Variants in PTGDR observed in about 807,000 individuals in gnomAD.
The protein encoded by PTGDR is prostaglandin D2 receptor, also known as PGD2 receptor.
In PTGDR, 19 loss-of-function variants were observed where a neutral mutation model predicts 17.4. The observed-to-expected ratio is 1.09, with a 90% CI of 0.76 to 1.60. The LOEUF (loss-of-function observed/expected upper bound fraction) is 1.60. PTGDR is among the 40% of genes most tolerant of loss of function. The pLI, the probability that PTGDR is intolerant of heterozygous loss-of-function variation, is 0.00. For missense variants in PTGDR, 526 were observed against 481.9 expected, an observed-to-expected ratio of 1.09 and a Z score of -0.86; for synonymous variants, 267 against 224.2, an observed-to-expected ratio of 1.19 and a Z score of -1.71.
chr14:52,275,274 A>ATTT lies in PTGDR; in HGVS notation c.*320_*322dup. 1.5e-5 allele frequency: 3 copies of ATTT among 195,788 alleles called. No individual in the cohort carries two copies. The highest frequency in any genetic ancestry group is 1.0e-4 in the South Asian group (1 of 9,696). The allele number at this position is 195,788 out of a possible 1,614,324, so 12.1% of individuals were successfully genotyped here. ...CCCTACATTTGTGCTTGGTGGCCCTATTTTTTTTTTTTAGAGAGGCCTTGA... is the reference window on the plus strand; with the variant it reads ...CCCTACATTTGTGCTTGGTGGCCCTATTTTTTTTTTTTTTTAGAGAGGCCTTGA... On this transcript the variant is annotated 3_prime_UTR_variant, in exon 2 of 2. Transcript: ENST00000306051.
In PTGDR at chr14:52,268,608, T is replaced by C; in HGVS notation, c.794T>C (p.Leu265Pro). ...PQPLEELDHL[L>P]LLALMTVLFT... ...CCCCTGGAGGAGCTGGATCACCTCCTGCTGCTGGCGCTGATGACCGTGCTC... is the reference window on the plus strand; with the variant it reads ...CCCCTGGAGGAGCTGGATCACCTCCCGCTGCTGGCGCTGATGACCGTGCTC... Residue 265 changes from leucine to proline, a missense_variant, in exon 1 of 2, where the codon CTG becomes CCG. Leu to Pro is a moderately conservative substitution (Grantham distance 98). Coordinates refer to ENST00000306051, the MANE Select transcript of PTGDR (RefSeq NM_000953.3). The C allele has an allele frequency of 6.2e-7, 1 of 1,607,800 alleles. No homozygotes were observed. Among genetic ancestry groups the C allele is most frequent in the South Asian group, 1.1e-5 (1 of 90,232 alleles).
Position 52,268,116 on chromosome 14 carries a change from A to T in PTGDR, c.302A>T (p.Asp101Val). The T allele has an allele frequency of 6.2e-7, 1 of 1,614,006 alleles. No homozygotes were observed. The highest frequency in any genetic ancestry group is 8.5e-7 in the Non-Finnish European group (1 of 1,180,012). The stretch of plus-strand genomic sequence containing the variant: ...CTGCGGGTGCTTGCGCCCGCATTGG[A>T]CAACTCGTTGTGCCAAGCCTTCGCC... ...RSLRVLAPAL[D>V]NSLCQAFAFF... The change falls in exon 1 of 2, where the codon GAC becomes GTC. Residue 101 changes from aspartate (D) to valine (V), a missense_variant. Physicochemically the swap from Asp to Val is radical, Grantham distance 152 (BLOSUM62 -3). Coordinates refer to ENST00000306051, the MANE Select transcript of PTGDR (RefSeq NM_000953.3).
In PTGDR at chr14:52,275,178, A is replaced by G; in HGVS notation, c.*214A>G. The G allele has an allele frequency of 2.1e-6, 1 of 482,506 alleles. No individual in the cohort carries two copies. The highest frequency in any genetic ancestry group is 3.0e-5 in the South Asian group (1 of 32,962). 29.9% of individuals were successfully genotyped at this position (482,506 alleles called of 1,614,324 possible). ...CCCTTCAGTGCATTTTCATTTTTTTATTAACAGCAACTAAAATTTTATATA... is the reference window on the plus strand; with the variant it reads ...CCCTTCAGTGCATTTTCATTTTTTTGTTAACAGCAACTAAAATTTTATATA... On this transcript the variant is annotated 3_prime_UTR_variant, in exon 2 of 2. Transcript: ENST00000306051.
rs201939042 is a variant in PTGDR at position 52,276,197 on chromosome 14, T to C, written c.*1233T>C. 1 of 152,134 alleles carries C rather than the reference T, an allele frequency of 6.6e-6. No homozygotes were observed. The highest frequency in any genetic ancestry group is 2.1e-4 in the South Asian group (1 of 4,824). 9.4% of individuals were successfully genotyped at this position (152,134 alleles called of 1,614,324 possible). On this transcript the variant is annotated 3_prime_UTR_variant, in exon 2 of 2. Transcript: ENST00000306051. ...GGAGACTCTAAACCCAGCTTGCAGGTAAGAGCTTTCACCTTTGGTAAAAGA... is the reference window on the plus strand; with the variant it reads ...GGAGACTCTAAACCCAGCTTGCAGGCAAGAGCTTTCACCTTTGGTAAAAGA...
chr14:52,267,700 G>T lies in PTGDR; in HGVS notation c.-115G>T. 1 of 1,423,022 alleles carries T rather than the reference G, an allele frequency of 7.0e-7. No homozygotes were observed. Among genetic ancestry groups the T allele is most frequent in the Non-Finnish European group, 9.1e-7 (1 of 1,095,592 alleles). The allele number at this position is 1,423,022 out of a possible 1,614,324, so 88.1% of individuals were successfully genotyped here. On this transcript the variant is annotated 5_prime_UTR_variant, in exon 1 of 2. Transcript: ENST00000306051. Reference sequence around the variant, plus strand: ...CCGCCGCCCTCGGAGCTTTTTCTGTGGCGCAGCTTCTCCGCCCGAGCCGCG... The same window carrying T: ...CCGCCGCCCTCGGAGCTTTTTCTGTTGCGCAGCTTCTCCGCCCGAGCCGCG...
chr14:52,272,304 CA>C (rs978343195), intron 1 of PTGDR, among the ~76,000 whole-genome samples: 2 of 151,162 alleles, frequency 1.3e-5, no homozygotes, highest in African/African-American at 2.4e-5. Flanking sequence ...CCTGCCTCTA[CA>C]AAAAAAATAA....
downstream of PTGDR, among the ~76,000 whole-genome samples, chr14:52,280,282 TC>T (rs55793514): frequency 5.8e-3 from 880 of 151,978 alleles, 4 homozygotes; most frequent in Middle Eastern, 0.034. Context: ...TACTTTTTAT[TC>T]CCCCCAAATT....
At chr14:52,278,065 C>A (rs138301015), downstream of PTGDR, among the ~76,000 whole-genome samples, 103 of 152,282 alleles carry the variant, frequency 6.8e-4, no homozygotes, top group Non-Finnish European at 1.2e-3. Flanking sequence ...GTGGCAATTC[C>A]TCAGGGATCT....
rs1210877590 is a variant in PTGDR at position 52,268,138 on chromosome 14, C to T, written c.324C>T (p.Phe108=). The T allele has an allele frequency of 1.2e-6, 2 of 1,614,156 alleles. No homozygotes were observed. Among genetic ancestry groups the T allele is most frequent in the Middle Eastern group, 1.6e-4 (1 of 6,062 alleles). The stretch of plus-strand genomic sequence containing the variant: ...TGGACAACTCGTTGTGCCAAGCCTT[C>T]GCCTTCTTCATGTCCTTCTTTGGGC... ...PALDNSLCQA[F]AFFMSFFGLS... Residue 108 remains phenylalanine, a synonymous_variant, in exon 1 of 2, where the codon TTC becomes TTT. Transcript: ENST00000306051.
At chr14:52,269,623 G>A in intron 1 of PTGDR, 5 of 1,134,394 alleles carry the variant, frequency 4.4e-6, no homozygotes, top group Non-Finnish European at 6.1e-6. Flanking sequence ...TCTGTGAATA[G>A]GAAAGTTGTT....
intron 1 of PTGDR, among the ~76,000 whole-genome samples, chr14:52,272,281 A>C (rs1407439698): frequency 6.6e-6 from 1 of 152,066 alleles, no homozygotes; most frequent in Middle Eastern, 3.2e-3. Flanking sequence ...CAGCCTGGGC[A>C]ACACAGTGAG....
rs143094066 is a variant in PTGDR, at chr14:52,274,846, G to C, written c.962G>C (p.Trp321Ser). The change falls in exon 2 of 2, where the codon TGG (tryptophan) becomes TCG (serine). Residue 321 changes from tryptophan (W) to serine (S), a missense_variant. Trp to Ser is a radical substitution (Grantham distance 177). Transcript: ENST00000306051. ...FLSVISIVDP[W>S]IFIIFRSPVF... Reference sequence around the variant, plus strand: ...TCTGTGATTTCAATTGTGGACCCTTGGATTTTTATCATTTTCAGATCTCCA... The same window carrying C: ...TCTGTGATTTCAATTGTGGACCCTTCGATTTTTATCATTTTCAGATCTCCA... The C allele has an allele frequency of 3.1e-6, 5 of 1,610,410 alleles. No homozygotes were observed. Among genetic ancestry groups the C allele is most frequent in the Non-Finnish European group, 3.4e-6 (4 of 1,176,734 alleles).
intron 1 of PTGDR, among the ~76,000 whole-genome samples, chr14:52,273,108 G>T (rs965584169): frequency 2.0e-5 from 3 of 152,166 alleles, no homozygotes; most frequent in Admixed American, 6.5e-5. Context: ...GGCCTCCCAG[G>T]TTCAAGCAAT....
At chr14:52,280,460 CTAAA>C (rs2033474701), downstream of PTGDR, among the ~76,000 whole-genome samples, 1 of 152,176 alleles carries the variant, frequency 6.6e-6, no homozygotes, top group African/African-American at 2.4e-5. Flanking sequence ...ATTTTGGTTC[CTAAA>C]TAAGATGGCT....
downstream of PTGDR, among the ~76,000 whole-genome samples, chr14:52,277,807 A>G (rs1044106350): frequency 3.9e-5 from 6 of 152,204 alleles, no homozygotes; most frequent in African/African-American, 1.4e-4. Flanking sequence ...CATGCCCTCC[A>G]GGTGATTCTC....
Position 52,267,793 on chromosome 14 carries a change from C to T in PTGDR, c.-22C>T. 2.0e-6 allele frequency: 3 copies of T among 1,535,300 alleles called. No individual in the cohort carries two copies. Among genetic ancestry groups the T allele is most frequent in the Non-Finnish European group, 2.6e-6 (3 of 1,141,598 alleles). On this transcript the variant is annotated 5_prime_UTR_variant, in exon 1 of 2. Transcript: ENST00000306051. ...CCTCGCCCTTCCGCAGCCTTCACTC[C>T]AGCCCTCTGCTCCCGCACGCCATGA...
At position 52,267,896 on chromosome 14, in the gene PTGDR, A is replaced by T; in HGVS notation, c.82A>T (p.Ser28Cys). ...NSAVMGGVLF[S>C]TGLLGNLLAL... ...GGCGGTGATGGGCGGGGTGCTCTTCAGCACCGGCCTCCTGGGCAACCTGCT... is the reference window on the plus strand; with the variant it reads ...GGCGGTGATGGGCGGGGTGCTCTTCTGCACCGGCCTCCTGGGCAACCTGCT... The change falls in exon 1 of 2, where the codon AGC (serine) becomes TGC (cysteine). Residue 28 changes from serine to cysteine, a missense_variant. Coordinates refer to ENST00000306051, the MANE Select transcript of PTGDR (RefSeq NM_000953.3). 6.2e-7 allele frequency: 1 copy of T among 1,609,932 alleles called. No homozygotes were observed. The highest frequency in any genetic ancestry group is 8.5e-7 in the Non-Finnish European group (1 of 1,178,300).
chr14:52,274,455 G>T (rs555133197), intron 1 of PTGDR, among the ~76,000 whole-genome samples: 37 of 152,310 alleles, frequency 2.4e-4, no homozygotes, highest in Non-Finnish European at 4.4e-4. Context: ...AGAAACTTGA[G>T]CCCAGCAGGT....
chr14:52,278,910 C>G (rs1343910839), downstream of PTGDR, among the ~76,000 whole-genome samples: 2 of 129,020 alleles, frequency 1.6e-5, no homozygotes, highest in Non-Finnish European at 3.5e-5. Flanking sequence ...TTTTCTAACT[C>G]TCTATAGGAT....
Sources: gnomAD v4.1 joint callset for allele counts (sites outside exome capture counted in the v4.1 genomes callset) on GRCh38, gnomAD v4.1.1 for gene constraint, MANE v1.5 for transcripts, NCBI Gene and HGNC (gene_info 2026-07-23, HGNC 2026-07-21) for gene names.